PTPRT: variants seen among roughly 807,000 people sequenced by gnomAD.
PTPRT encodes receptor-type tyrosine-protein phosphatase T.
PTPRT carries 56 observed loss-of-function variants against 176.8 expected under a neutral mutation model. The ratio of observed to expected loss-of-function variants is 0.32; its 90% CI spans 0.26 to 0.40. PTPRT has a LOEUF of 0.40. Ranked by LOEUF, PTPRT falls within the 10% of genes least tolerant of loss-of-function variation. The pLI, the probability that PTPRT is intolerant of heterozygous loss-of-function variation, is 1.00. For missense variants in PTPRT, 1,540 were observed against 1,908.2 expected, an observed-to-expected ratio of 0.81 and a Z score of 3.60; for synonymous variants, 783 against 739.0, an observed-to-expected ratio of 1.06 and a Z score of -0.96.
intron 1 of PTPRT, among the ~76,000 whole-genome samples, chr20:43,051,624 G>GAAAAA (rs1361424341): frequency 2.1e-5 from 1 of 48,292 alleles, no homozygotes; most frequent in Non-Finnish European, 3.0e-5. Flanking sequence ...CTCTGTAACT[G>GAAAAA]TAAAAAAAAA....
At chr20:42,067,849 A>AGTTTCCCAGCT (rs1982135800), downstream of PTPRT, among the ~76,000 whole-genome samples, 1 of 152,210 alleles carries the variant, frequency 6.6e-6, no homozygotes, top group South Asian at 2.1e-4. Flanking sequence ...GCTGAAGCCC[A>AGTTTCCCAGCT]GTTTCCCAGC....
intron 1 of PTPRT, among the ~76,000 whole-genome samples, chr20:43,128,594 G>C (rs2013535135): frequency 6.6e-6 from 1 of 152,208 alleles, no homozygotes; most frequent in Non-Finnish European, 1.5e-5. Flanking sequence ...GAAAGTTCCA[G>C]CAATGAGAAG....
chr20:42,461,012 G>A (rs772855728), intron 8 of PTPRT, among the ~76,000 whole-genome samples: 2 of 152,100 alleles, frequency 1.3e-5, no homozygotes, highest in Non-Finnish European at 2.9e-5. Context: ...ATGAGACTCT[G>A]TCTCTACAAA....
At chr20:43,069,479 T>G (rs1006339265) in intron 1 of PTPRT, among the ~76,000 whole-genome samples, 2 of 152,228 alleles carry the variant, frequency 1.3e-5, no homozygotes, top group Non-Finnish European at 2.9e-5. Context: ...ATTATTACCT[T>G]AAGTGGGAAT....
chr20:42,562,321 C>T (rs1054504421), intron 7 of PTPRT, among the ~76,000 whole-genome samples: 2 of 152,156 alleles, frequency 1.3e-5, no homozygotes, highest in African/African-American at 4.8e-5. Flanking sequence ...GTAGTTTTGC[C>T]TGTTTGTGAA....
intron 1 of PTPRT, among the ~76,000 whole-genome samples, chr20:42,901,041 G>A (rs999113607): frequency 6.6e-6 from 1 of 152,130 alleles, no homozygotes; most frequent in African/African-American, 2.4e-5. Context: ...CAAAGGAAAT[G>A]CTAAGCCGTC....
chr20:42,843,692 G>A (rs2078319127), intron 2 of PTPRT, among the ~76,000 whole-genome samples: 1 of 152,230 alleles, frequency 6.6e-6, no homozygotes, highest in Admixed American at 6.5e-5. Flanking sequence ...CATGCCCATG[G>A]TTGTAGCTTT....
At chr20:42,438,519 T>A (rs1433013540) in intron 9 of PTPRT, among the ~76,000 whole-genome samples, 1 of 150,592 alleles carries the variant, frequency 6.6e-6, no homozygotes, top group Admixed American at 6.6e-5. Flanking sequence ...AGGATGAAGC[T>A]GGAAAAATGG....
chr20:42,855,657 C>G (rs1436467875), intron 2 of PTPRT, among the ~76,000 whole-genome samples: 1 of 146,356 alleles, frequency 6.8e-6, no homozygotes, highest in Non-Finnish European at 1.5e-5. Context: ...GTCTAGAACT[C>G]TTGACCTCAA....
At chr20:42,873,671 T>C in intron 2 of PTPRT, among the ~76,000 whole-genome samples, 1 of 150,830 alleles carries the variant, frequency 6.6e-6, no homozygotes. Flanking sequence ...AAGATGTTTT[T>C]ACATGATTTT....
chr20:42,204,255 C>G (rs1490735376), intron 15 of PTPRT, among the ~76,000 whole-genome samples: 1 of 152,024 alleles, frequency 6.6e-6, no homozygotes, highest in East Asian at 1.9e-4. Context: ...GAGATTTCCC[C>G]CGCAGAGCCC....
chr20:42,082,039 G>A (rs1372962133), intron 29 of PTPRT, 22 bp from the exon 30 acceptor site: 3 of 1,613,842 alleles, frequency 1.9e-6, no homozygotes, highest in African/African-American at 2.7e-5. Flanking sequence ...GCAAAGAGGT[G>A]AGCCATGTTC....
chr20:42,918,061 G>A (rs896990414), intron 1 of PTPRT, among the ~76,000 whole-genome samples: 3 of 152,038 alleles, frequency 2.0e-5, no homozygotes, highest in Non-Finnish European at 4.4e-5. Context: ...CCTCTGATCT[G>A]CTCTTTCATC....
chr20:42,338,973 C>T (rs551792147), intron 11 of PTPRT, among the ~76,000 whole-genome samples: 2 of 152,222 alleles, frequency 1.3e-5, no homozygotes, highest in African/African-American at 4.8e-5. Flanking sequence ...AAAACTGGCC[C>T]GGGGGGACAA....
At chr20:42,609,364 G>A (rs1276130090) in intron 7 of PTPRT, among the ~76,000 whole-genome samples, 4 of 152,056 alleles carry the variant, frequency 2.6e-5, no homozygotes, top group Non-Finnish European at 2.9e-5. Context: ...TTGAGCCACC[G>A]CACCCAGCCC....
intron 7 of PTPRT, among the ~76,000 whole-genome samples, chr20:42,522,463 T>A (rs2072193452): frequency 6.6e-6 from 1 of 152,082 alleles, no homozygotes; most frequent in Non-Finnish European, 1.5e-5. Flanking sequence ...GGTGTTATTC[T>A]CCTTTTTCTT....
intron 7 of PTPRT, among the ~76,000 whole-genome samples, chr20:42,554,809 T>C (rs2072831770): frequency 6.6e-6 from 1 of 152,128 alleles, no homozygotes; most frequent in African/African-American, 2.4e-5. Context: ...TAAAGATATA[T>C]TGAATGTTGG....
At chr20:42,532,770 C>T (rs1044782603) in intron 7 of PTPRT, among the ~76,000 whole-genome samples, 2 of 152,132 alleles carry the variant, frequency 1.3e-5, no homozygotes, top group Admixed American at 1.3e-4. Context: ...TCTCCCACGA[C>T]CCTGGGAGGT....
intron 1 of PTPRT, among the ~76,000 whole-genome samples, chr20:43,152,341 T>G (rs2014383238): frequency 6.6e-6 from 1 of 152,350 alleles, no homozygotes; most frequent in East Asian, 1.9e-4. Context: ...GGGCTTGTAT[T>G]ACTTGTTTAA....
Sources: gnomAD v4.1 joint callset for allele counts (sites outside exome capture counted in the v4.1 genomes callset) on GRCh38, gnomAD v4.1.1 for gene constraint, MANE v1.5 for transcripts, NCBI Gene and HGNC (gene_info 2026-07-23, HGNC 2026-07-21) for gene names.